Variants in SCNN1G observed in about 807,000 individuals in gnomAD.
SCNN1G encodes the protein sodium channel epithelial 1 subunit gamma, also known as epithelial sodium channel subunit gamma.
In SCNN1G, 27 loss-of-function variants were observed where a neutral mutation model predicts 64.6. That is an observed-to-expected ratio of 0.42 (90% CI 0.31 to 0.58). The LOEUF (loss-of-function observed/expected upper bound fraction) is 0.58. Ranked by LOEUF, SCNN1G falls within the 20% of genes least tolerant of loss-of-function variation. SCNN1G has a pLI of 0.18. For synonymous variants in SCNN1G, 330 were observed against 314.2 expected, an observed-to-expected ratio of 1.05 and a Z score of -0.53; for missense variants, 743 against 823.4, an observed-to-expected ratio of 0.90 and a Z score of 1.19.
intron 3 of SCNN1G, among the ~76,000 whole-genome samples, chr16:23,190,831 ATTTTTTTTTTTT>A (rs896029487): frequency 1.8e-5 from 1 of 56,228 alleles, no homozygotes; most frequent in Non-Finnish European, 3.1e-5. Context: ...ATTTGAGGGG[ATTTTTTTTTTTT>A]TTTTTTTTTT....
intron 5 of SCNN1G, among the ~76,000 whole-genome samples, chr16:23,195,415 C>T (rs1172492553): frequency 6.6e-6 from 1 of 152,094 alleles, no homozygotes; most frequent in Non-Finnish European, 1.5e-5. Flanking sequence ...CTGGCTTATG[C>T]CCAAAAGGAA....
In SCNN1G at chr16:23,216,443, C is replaced by A. The variant is rs1383706403; in HGVS notation, c.*974C>A. 6.6e-6 allele frequency: 1 copy of A among 152,212 alleles called. No homozygotes were observed. The highest frequency in any genetic ancestry group is 1.5e-5 in the Non-Finnish European group (1 of 68,078). 9.4% of individuals were successfully genotyped at this position (152,212 alleles called of 1,614,324 possible). A position where few individuals can be genotyped will look rare whatever the true frequency, so the allele number is the denominator to read the frequency against. On this transcript the variant is annotated 3_prime_UTR_variant, in exon 13 of 13. Transcript: ENST00000300061. ...ACTGCCACAGATGACCCACTTCATA[C>A]CACATTCACATCTTTCCACCTGAAA...
At chr16:23,183,845 T>G (rs1959561568) in intron 1 of SCNN1G, among the ~76,000 whole-genome samples, 1 of 152,216 alleles carries the variant, frequency 6.6e-6, no homozygotes, top group Admixed American at 6.5e-5. Context: ...AGCAGCCTAG[T>G]TAGTCGTTAA....
Position 23,189,385 on chromosome 16 carries a change from G to T in SCNN1G, c.332G>T (p.Arg111Leu), listed in dbSNP as rs371061652. The change falls in exon 3 of 13, where the codon CGC becomes CTC. Residue 111 changes from arginine (R) to leucine (L), a missense_variant. By Grantham distance (102) the Arg-to-Leu change is moderately radical. Transcript: ENST00000300061. The part of the protein sequence containing the change: ...NINPYKYSTV[R>L]HLLADLEQET... The stretch of plus-strand genomic sequence containing the variant: ...CACCTTGGCAGGTACAGCACCGTTC[G>T]CCACCTTCTAGCTGACTTGGAACAG... 6.2e-7 allele frequency: 1 copy of T among 1,613,620 alleles called. No individual in the cohort carries two copies. Among genetic ancestry groups the T allele is most frequent in the Non-Finnish European group, 8.5e-7 (1 of 1,180,022 alleles).
chr16:23,213,252 C>CAT, intron 11 of SCNN1G, 89 bp downstream of exon 11: 1 of 533,852 alleles, frequency 1.9e-6, no homozygotes, highest in Non-Finnish European at 3.3e-6. Flanking sequence ...GCCAAATCCT[C>CAT]TTTTTTTTTT....
At chr16:23,197,960 A>G (rs1464041356) in intron 6 of SCNN1G, among the ~76,000 whole-genome samples, 2 of 152,176 alleles carry the variant, frequency 1.3e-5, no homozygotes, top group Admixed American at 6.5e-5. Context: ...ACCAGCATTT[A>G]TGGAACCTAT....
chr16:23,192,286 T>C lies in SCNN1G; in HGVS notation c.619-66T>C, dbSNP rs72646500. 2.1e-5 allele frequency: 27 copies of C among 1,303,036 alleles called. No individual in the cohort carries two copies. In the African/African-American group the frequency reaches 3.8e-4, roughly 18 times the overall value. 80.7% of individuals were successfully genotyped at this position (1,303,036 alleles called of 1,614,324 possible). A position where few individuals can be genotyped will look rare whatever the true frequency, so the allele number is the denominator to read the frequency against. ...GCCTGGAGTCTCAGTCACTCATTCTTATGGTCCTTCTGAAGAGTAGCGATA... is the reference window on the plus strand; with the variant it reads ...GCCTGGAGTCTCAGTCACTCATTCTCATGGTCCTTCTGAAGAGTAGCGATA... On this transcript the variant is annotated intron_variant, in intron 3 of 12. Coordinates refer to ENST00000300061, the MANE Select transcript of SCNN1G (RefSeq NM_001039.4).
At chr16:23,191,436 T>C (rs1481863069) in intron 3 of SCNN1G, among the ~76,000 whole-genome samples, 1 of 152,220 alleles carries the variant, frequency 6.6e-6, no homozygotes, top group Non-Finnish European at 1.5e-5. Flanking sequence ...TAGATGTTTG[T>C]TTGTTTGTTT....
intron 1 of SCNN1G, among the ~76,000 whole-genome samples, chr16:23,185,093 T>C (rs907797930): frequency 2.6e-5 from 4 of 152,226 alleles, no homozygotes; most frequent in African/African-American, 9.6e-5. Context: ...CAAAGGCGTA[T>C]GCCATAGCGG....
At position 23,215,714 on chromosome 16, in the gene SCNN1G, T is replaced by A; in HGVS notation, c.*245T>A. ...AGATAAATCCCGGGACCTGAACTAT[T>A]AGCACGTCACTAGAGACTGGGAGCC... On this transcript the variant is annotated 3_prime_UTR_variant, in exon 13 of 13. Coordinates refer to ENST00000300061, the MANE Select transcript of SCNN1G (RefSeq NM_001039.4). 1 of 578,258 alleles carries A rather than the reference T, an allele frequency of 1.7e-6. No homozygotes were observed. Among genetic ancestry groups the A allele is most frequent in the Non-Finnish European group, 3.1e-6 (1 of 323,960 alleles). 35.8% of individuals were successfully genotyped at this position (578,258 alleles called of 1,614,324 possible).
intron 11 of SCNN1G, 87 bp downstream of exon 11, chr16:23,213,250 CTCT>C: frequency 1.3e-6 from 1 of 771,270 alleles, no homozygotes; most frequent in Non-Finnish European, 2.1e-6. Context: ...TGGCCAAATC[CTCT>C]TTTTTTTTTT....
chr16:23,191,674 C>T (rs1567263436), intron 3 of SCNN1G, among the ~76,000 whole-genome samples: 1 of 152,216 alleles, frequency 6.6e-6, no homozygotes. Flanking sequence ...AGTCTTCCCA[C>T]TACAACCTTC....
At chr16:23,184,038 G>C (rs1481831879) in intron 1 of SCNN1G, among the ~76,000 whole-genome samples, 1 of 152,192 alleles carries the variant, frequency 6.6e-6, no homozygotes, top group Non-Finnish European at 1.5e-5. Flanking sequence ...TAAGTGCTGG[G>C]TATCAGCTAG....
intron 4 of SCNN1G, among the ~76,000 whole-genome samples, chr16:23,192,890 G>A (rs532793231): frequency 1.5e-4 from 22 of 151,280 alleles, no homozygotes; most frequent in African/African-American, 3.6e-4. Flanking sequence ...CTAACATAGC[G>A]AGACCCCGTC....
At position 23,213,159 on chromosome 16, in the gene SCNN1G, A is replaced by G. The variant is rs1567269474; in HGVS notation, c.1489A>G (p.Asn497Asp). The G allele has an allele frequency of 1.2e-6, 2 of 1,610,848 alleles. No individual in the cohort carries two copies. The highest frequency in any genetic ancestry group is 1.7e-6 in the Non-Finnish European group (2 of 1,178,144). The change falls in exon 11 of 13, where the codon AAC becomes GAC. Residue 497 changes from asparagine to aspartate, a missense_variant. By Grantham distance (23) the Asn-to-Asp change is conservative. Transcript: ENST00000300061. ...AGGCCGGCAAGTAAACAAAAAGCTCAACAAGTAAGTTACCTCTACCCTGTT... is the reference window on the plus strand; with the variant it reads ...AGGCCGGCAAGTAAACAAAAAGCTCGACAAGTAAGTTACCTCTACCCTGTT... ...DQGRQVNKKL[N>D]KTDLAKLLIF...
At chr16:23,195,760 T>C (rs1046782982) in intron 5 of SCNN1G, among the ~76,000 whole-genome samples, 9 of 143,936 alleles carry the variant, frequency 6.3e-5, no homozygotes, top group Non-Finnish European at 9.1e-5. Flanking sequence ...GTTTACAAGT[T>C]GTTTACACAT....
At chr16:23,187,106 C>CTT (rs991130957) in intron 2 of SCNN1G, among the ~76,000 whole-genome samples, 3,081 of 117,836 alleles carry the variant, frequency 0.026, 68 homozygotes, top group Non-Finnish European at 0.036. Context: ...CTGGCCTTTT[C>CTT]TTTTTTTTTT....
At chr16:23,211,112 C>G (rs920724815) in intron 7 of SCNN1G, among the ~76,000 whole-genome samples, 1 of 152,200 alleles carries the variant, frequency 6.6e-6, no homozygotes, top group Non-Finnish European at 1.5e-5. Context: ...TGCACACACA[C>G]ACCTTACATG....
At position 23,189,583 on chromosome 16, in the gene SCNN1G, G is replaced by A. The variant is rs770221621; in HGVS notation, c.530G>A (p.Gly177Glu). The A allele has an allele frequency of 3.1e-6, 5 of 1,614,246 alleles. No homozygotes were observed. Among genetic ancestry groups the A allele is most frequent in the East Asian group, 2.2e-5 (1 of 44,878 alleles). The change falls in exon 3 of 13, where the codon GGG becomes GAG. Residue 177 changes from glycine to glutamate, a missense_variant. Physicochemically the swap from Gly to Glu is moderately conservative, Grantham distance 98. Coordinates refer to ENST00000300061, the MANE Select transcript of SCNN1G (RefSeq NM_001039.4). ...GGCAAGGCCAGGGACTTCTTCACAG[G>A]GAGGAAGCGGAAAGTCGGCGGTAGC... ...EKGKARDFFT[G>E]RKRKVGGSII...
Sources: allele counts gnomAD v4.1 joint callset (sites outside exome capture counted in the v4.1 genomes callset), GRCh38; gene constraint gnomAD v4.1.1; transcripts MANE v1.5; gene names NCBI Gene and HGNC (gene_info 2026-07-23, HGNC 2026-07-21).